Variants in IL1RAPL2 observed in about 807,000 individuals in gnomAD.
IL1RAPL2 encodes interleukin 1 receptor accessory protein like 2.
In IL1RAPL2, 3 loss-of-function variants were observed where a neutral mutation model predicts 44.1. That is an observed-to-expected ratio of 0.07 (90% confidence interval 0.03 to 0.18). The LOEUF is 0.18. Among genes scored for constraint, IL1RAPL2 ranks in the 10% least tolerant of loss-of-function variants. The probability of loss-of-function intolerance (pLI) is 1.00; values close to 1 mark genes in which losing one functional copy is unlikely to be tolerated. For missense variants in IL1RAPL2, 391 were observed against 496.4 expected (o/e 0.79, Z 2.02); for synonymous variants, 181 against 178.8 (o/e 1.01, Z -0.10).
intron 2 of IL1RAPL2, among the ~76,000 whole-genome samples, chrX:105,032,063 G>A (rs1408289593): frequency 1.2e-4 from 13 of 111,162 alleles, no homozygotes; most frequent in South Asian, 3.8e-4. Context: ...CTGTGGGATC[G>A]CTGGTGATAT....
chrX:105,005,194 A>G (rs1450391950), intron 2 of IL1RAPL2, among the ~76,000 whole-genome samples: 2 of 111,486 alleles, frequency 1.8e-5, no homozygotes, highest in African/African-American at 3.3e-5. Flanking sequence ...CTCTCCAACT[A>G]GATTGTAAGT....
intron 2 of IL1RAPL2, among the ~76,000 whole-genome samples, chrX:104,993,040 G>T (rs1234205003): frequency 9.0e-6 from 1 of 111,357 alleles, no homozygotes; most frequent in Admixed American, 9.6e-5. Context: ...AGAGTCACTT[G>T]AAAGGAAATA....
At chrX:105,701,395 T>C (rs1247756638) in intron 6 of IL1RAPL2, among the ~76,000 whole-genome samples, 1 of 112,058 alleles carries the variant, frequency 8.9e-6, no homozygotes, top group African/African-American at 3.2e-5. Flanking sequence ...GAATTTTCAC[T>C]ATAACAGCTA....
At chrX:105,306,938 A>G (rs1234179345) in intron 5 of IL1RAPL2, among the ~76,000 whole-genome samples, 1 of 111,528 alleles carries the variant, frequency 9.0e-6, no homozygotes, top group Non-Finnish European at 1.9e-5. Context: ...ACAGTTCCGC[A>G]TGGCTGGGAA....
chrX:105,660,335 AT>A (rs928477062), intron 6 of IL1RAPL2, among the ~76,000 whole-genome samples: 1 of 111,465 alleles, frequency 9.0e-6, no homozygotes, highest in Non-Finnish European at 1.9e-5. Flanking sequence ...AAGCTGAGGG[AT>A]TTCATCACCA....
At chrX:105,570,935 G>A (rs956918377) in intron 6 of IL1RAPL2, among the ~76,000 whole-genome samples, 2 of 111,646 alleles carry the variant, frequency 1.8e-5, no homozygotes, top group African/African-American at 6.5e-5. Context: ...GGAGGAGAAT[G>A]TGTAGGAATT....
At chrX:105,277,071 G>A (rs747732945) in intron 5 of IL1RAPL2, among the ~76,000 whole-genome samples, 1 of 111,901 alleles carries the variant, frequency 8.9e-6, no homozygotes, top group East Asian at 2.8e-4. Context: ...TAAAGGAAGA[G>A]CCCTGGGGAT....
At chrX:105,121,684 A>T (rs191973422) in intron 2 of IL1RAPL2, among the ~76,000 whole-genome samples, 13 of 111,114 alleles carry the variant, frequency 1.2e-4, no homozygotes, top group African/African-American at 3.9e-4. Context: ...TTCTAAATTC[A>T]AGTGGTGTTA....
chrX:104,604,688 A>G (rs186121190), intron 1 of IL1RAPL2, among the ~76,000 whole-genome samples: 1 of 109,472 alleles, frequency 9.1e-6, no homozygotes. Flanking sequence ...CTGATAAAAC[A>G]GACTTTAAAC....
chrX:105,134,342 T>C (rs1026876267), intron 2 of IL1RAPL2, among the ~76,000 whole-genome samples: 5 of 112,436 alleles, frequency 4.4e-5, no homozygotes, highest in African/African-American at 1.6e-4. Flanking sequence ...ACTATGAGCT[T>C]TCTTCCTTAC....
chrX:104,880,415 C>T (rs760511103), intron 2 of IL1RAPL2, among the ~76,000 whole-genome samples: 2 of 111,811 alleles, frequency 1.8e-5, no homozygotes, highest in Admixed American at 1.9e-4. Context: ...TCTACCATAC[C>T]ATAGACCTTC....
intron 5 of IL1RAPL2, among the ~76,000 whole-genome samples, chrX:105,363,720 T>C (rs1311155482): frequency 1.8e-5 from 2 of 110,864 alleles, no homozygotes; most frequent in East Asian, 5.6e-4. Flanking sequence ...ATTTTTTATA[T>C]ATCTCTTGGC....
At chrX:105,434,475 G>T (rs1185060847) in intron 5 of IL1RAPL2, among the ~76,000 whole-genome samples, 1 of 112,277 alleles carries the variant, frequency 8.9e-6, no homozygotes, top group Admixed American at 9.4e-5. Flanking sequence ...ACATGTGAAT[G>T]AATTTAAAAA....
At chrX:104,567,877 G>T (rs1350868041) in intron 1 of IL1RAPL2, among the ~76,000 whole-genome samples, 1 of 112,221 alleles carries the variant, frequency 8.9e-6, no homozygotes, top group African/African-American at 3.2e-5. Flanking sequence ...GGAGACCCTG[G>T]CAAGGGAAAT....
At position 105,064,503 on chromosome X, in the gene IL1RAPL2, G is replaced by T. The variant is rs1194120567; in HGVS notation, c.83-130972G>T. Among the ~76,000 whole-genome samples the T allele has an allele frequency of 2.7e-5, 3 of 111,859 alleles. No homozygotes were observed. The Admixed American group carries it at 2.8e-4, about 11-fold the overall frequency. ...CTTGGGTTAGGGATGATTGCTGTAG[G>T]CTTCTTTTCAGCCATTTTGCTTCAA... On this transcript the variant is annotated intron_variant, in intron 2 of 10. Coordinates refer to ENST00000372582, the MANE Select transcript of IL1RAPL2 (RefSeq NM_017416.2).
intron 5 of IL1RAPL2, among the ~76,000 whole-genome samples, chrX:105,457,033 T>TAC (rs58305468): frequency 0.14 from 12,254 of 85,159 alleles, 1,008 homozygotes; most frequent in African/African-American, 0.25. Flanking sequence ...TCTAAAGTTA[T>TAC]ACACACACAC....
chrX:104,739,186 A>G (rs1450529707), intron 2 of IL1RAPL2, among the ~76,000 whole-genome samples: 1 of 112,190 alleles, frequency 8.9e-6, no homozygotes. Context: ...TGATTTCAGT[A>G]GCAGTAGTTG....
At chrX:104,641,580 C>G (rs1052945224) in intron 1 of IL1RAPL2, among the ~76,000 whole-genome samples, 12 of 111,603 alleles carry the variant, frequency 1.1e-4, no homozygotes, top group African/African-American at 2.9e-4. Context: ...CCAGACTTGC[C>G]AGTAGTAGCC....
chrX:105,173,908 A>T (rs1157640263), intron 2 of IL1RAPL2, among the ~76,000 whole-genome samples: 1 of 109,185 alleles, frequency 9.2e-6, no homozygotes, highest in Non-Finnish European at 1.9e-5. Context: ...AATTTTTTGT[A>T]TTTTAGTGGA....
Sources: gnomAD v4.1 joint callset for allele counts (sites outside exome capture counted in the v4.1 genomes callset) on GRCh38, gnomAD v4.1.1 for gene constraint, MANE v1.5 for transcripts, NCBI Gene and HGNC (gene_info 2026-07-23, HGNC 2026-07-21) for gene names.